DLG2: variants seen among roughly 807,000 people sequenced by gnomAD.
DLG2 encodes the protein disks large homolog 2.
DLG2 carries 45 observed loss-of-function variants against 132.5 expected under a neutral mutation model. That is an observed-to-expected ratio of 0.34 (90% CI 0.27 to 0.44). DLG2 has a LOEUF of 0.44. Ranked by LOEUF, DLG2 falls within the 20% of genes least tolerant of loss-of-function variation. The pLI is 1.00. For synonymous variants in DLG2, 424 were observed against 419.6 expected (o/e 1.01, Z -0.13); for missense variants, 1,045 against 1,196.9 (o/e 0.87, Z 1.87).
intron 6 of DLG2, among the ~76,000 whole-genome samples, chr11:84,771,819 A>C (rs577041733): frequency 1.1e-3 from 171 of 152,288 alleles, no homozygotes; most frequent in African/African-American, 3.9e-3. Flanking sequence ...AAATGCTCTA[A>C]ATGCCTCACG....
In DLG2 at chr11:83,753,859, T is replaced by TG. The variant is rs1566832482; in HGVS notation, c.1825+32830_1825+32831insC. Among the ~76,000 whole-genome samples, 10 of 5,610 alleles carry TG rather than the reference T, an allele frequency of 1.8e-3. 1 individual carries two copies. The highest frequency in any genetic ancestry group is 2.4e-3 in the Non-Finnish European group (9 of 3,818). 3.7% of individuals were successfully genotyped at this position (5,610 alleles called of 152,430 possible). On this transcript the variant is annotated intron_variant, in intron 18 of 27. Coordinates refer to ENST00000376104, the MANE Select transcript of DLG2 (RefSeq NM_001142699.3). ...TGATATATATCATATATATCATATA[T>TG]ATATTTCATATATATGATATATATC...
At chr11:83,890,707 G>A (rs2069540881) in intron 15 of DLG2, among the ~76,000 whole-genome samples, 1 of 152,190 alleles carries the variant, frequency 6.6e-6, no homozygotes, top group Non-Finnish European at 1.5e-5. Context: ...AAAAAAAGTT[G>A]CAAAGTATGA....
chr11:84,514,569 G>A (rs550938665), intron 7 of DLG2, among the ~76,000 whole-genome samples: 4 of 152,050 alleles, frequency 2.6e-5, no homozygotes, highest in Admixed American at 2.6e-4. Flanking sequence ...AACATCACAT[G>A]TTCTCACTTA....
chr11:83,779,358 C>T (rs2094713764), intron 18 of DLG2, among the ~76,000 whole-genome samples: 2 of 152,170 alleles, frequency 1.3e-5, no homozygotes, highest in Non-Finnish European at 2.9e-5. Context: ...TAGTTGCCTA[C>T]ACTTACAATA....
intron 6 of DLG2, among the ~76,000 whole-genome samples, chr11:84,688,263 C>T (rs1340225871): frequency 1.3e-5 from 2 of 152,176 alleles, no homozygotes; most frequent in Non-Finnish European, 2.9e-5. Flanking sequence ...GTCTCTTGAA[C>T]TTCACCATAC....
chr11:83,503,817 C>T (rs1014236404), intron 21 of DLG2, among the ~76,000 whole-genome samples: 2 of 152,096 alleles, frequency 1.3e-5, no homozygotes, highest in African/African-American at 2.4e-5. Flanking sequence ...CATCCTTCCA[C>T]CCAATCAAGT....
chr11:84,015,749 T>C (rs1343377507), intron 11 of DLG2, among the ~76,000 whole-genome samples: 1 of 152,184 alleles, frequency 6.6e-6, no homozygotes, highest in African/African-American at 2.4e-5. Flanking sequence ...CATTCCATGG[T>C]GTATATGTAC....
chr11:85,162,556 A>G (rs1198328740), intron 4 of DLG2, among the ~76,000 whole-genome samples: 2 of 152,236 alleles, frequency 1.3e-5, no homozygotes, highest in Admixed American at 6.5e-5. Context: ...GTGTAAGCAT[A>G]TATACGCTTG....
chr11:85,468,233 T>C (rs2092865394), intron 3 of DLG2, among the ~76,000 whole-genome samples: 1 of 152,170 alleles, frequency 6.6e-6, no homozygotes, highest in South Asian at 2.1e-4. Flanking sequence ...TAGCAGGCTA[T>C]CAATTTTGTT....
At chr11:84,211,382 T>C (rs185154888) in intron 8 of DLG2, among the ~76,000 whole-genome samples, 12 of 152,294 alleles carry the variant, frequency 7.9e-5, no homozygotes, top group Admixed American at 7.2e-4. Context: ...ATATTCTCTA[T>C]AAGAGAAGCT....
intron 6 of DLG2, among the ~76,000 whole-genome samples, chr11:85,025,856 C>T (rs1025753747): frequency 6.6e-6 from 1 of 150,806 alleles, no homozygotes; most frequent in Non-Finnish European, 1.5e-5. Context: ...ATATGATAAA[C>T]ATAACATTCT....
intron 18 of DLG2, among the ~76,000 whole-genome samples, chr11:83,685,257 T>C (rs978989302): frequency 2.6e-5 from 4 of 152,262 alleles, no homozygotes; most frequent in Middle Eastern, 3.4e-3. Context: ...TCTAAGCACT[T>C]GCGGCAACAG....
intron 6 of DLG2, among the ~76,000 whole-genome samples, chr11:84,800,273 T>G (rs531505587): frequency 1.6e-4 from 25 of 152,304 alleles, no homozygotes; most frequent in Middle Eastern, 6.8e-3. Context: ...AATATAAATT[T>G]ATAGGTGTTT....
At chr11:84,494,645 G>A (rs768768123) in intron 7 of DLG2, among the ~76,000 whole-genome samples, 3 of 152,174 alleles carry the variant, frequency 2.0e-5, no homozygotes, top group Non-Finnish European at 2.9e-5. Context: ...TTTCAGGAAA[G>A]AGGACCAGAG....
At chr11:84,647,215 A>G (rs1270658355) in intron 6 of DLG2, among the ~76,000 whole-genome samples, 3 of 152,214 alleles carry the variant, frequency 2.0e-5, no homozygotes, top group African/African-American at 2.4e-5. Context: ...TTAGAAAGGT[A>G]CGTACAATTA....
chr11:84,673,016 C>A (rs1273857617), intron 6 of DLG2, among the ~76,000 whole-genome samples: 1 of 151,962 alleles, frequency 6.6e-6, no homozygotes, highest in Non-Finnish European at 1.5e-5. Flanking sequence ...AATAACCAGA[C>A]TTAACGAGAA....
intron 8 of DLG2, among the ~76,000 whole-genome samples, chr11:84,214,059 CTT>C (rs2096795665): frequency 6.6e-6 from 1 of 150,936 alleles, no homozygotes; most frequent in African/African-American, 2.4e-5. Context: ...CCTGCTTACT[CTT>C]TCTTTTCCTT....
At chr11:85,212,863 T>TA (rs2082336271) in intron 4 of DLG2, among the ~76,000 whole-genome samples, 1 of 152,150 alleles carries the variant, frequency 6.6e-6, no homozygotes, top group Non-Finnish European at 1.5e-5. Flanking sequence ...CTCATCCTAT[T>TA]ACCTCAACTG....
At chr11:85,268,322 T>C (rs532565485) in intron 4 of DLG2, among the ~76,000 whole-genome samples, 146 of 152,294 alleles carry the variant, frequency 9.6e-4, no homozygotes, top group Admixed American at 3.5e-3. Context: ...ATGCAACCAT[T>C]AGTCTCTCAC....
Sources: allele counts gnomAD v4.1 joint callset (sites outside exome capture counted in the v4.1 genomes callset), GRCh38; gene constraint gnomAD v4.1.1; transcripts MANE v1.5; gene names NCBI Gene and HGNC (gene_info 2026-07-23, HGNC 2026-07-21).